EOGT: variants seen among roughly 807,000 people sequenced by gnomAD.
EOGT encodes the protein EGF domain-specific O-linked N-acetylglucosamine transferase.
Under a neutral mutation model 70.5 loss-of-function variants are expected in EOGT, and 55 were observed. The observed-to-expected ratio is 0.78, with a 90% CI of 0.63 to 0.98. The LOEUF (loss-of-function observed/expected upper bound fraction) is 0.98, where lower values mean the gene tolerates loss of function less well. Among genes scored for constraint, EOGT ranks in the 50% least tolerant of loss-of-function variants. The pLI is 0.00. For missense variants in EOGT, 703 were observed against 641.9 expected (o/e 1.10, Z -1.03); for synonymous variants, 246 against 217.1 (o/e 1.13, Z -1.17).
chr3:68,996,355 T>A (rs970583630), intron 10 of EOGT, among the ~76,000 whole-genome samples: 1 of 152,212 alleles, frequency 6.6e-6, no homozygotes, highest in South Asian at 2.1e-4. Context: ...TCCTTCTGCA[T>A]GAGAATTTGA....
Position 69,007,453 on chromosome 3 carries a change from G to A in EOGT, c.420+260C>T, listed in dbSNP as rs12053899. ...GGATCCCTTGAGGTCAGGAGTTCGCGATCAGCCTGGCAACATGGCGAAACC... is the reference window on the plus strand; with the variant it reads ...GGATCCCTTGAGGTCAGGAGTTCGCAATCAGCCTGGCAACATGGCGAAACC... On this transcript the variant is annotated intron_variant, in intron 6 of 17. Coordinates refer to ENST00000383701, the MANE Select transcript of EOGT (RefSeq NM_001278689.2). Among the ~76,000 whole-genome samples, 41,977 of 144,432 alleles carry A rather than the reference G, an allele frequency of 0.29. 6,259 individuals are homozygous for A. The highest frequency in any genetic ancestry group is 0.52 in the East Asian group (2,611 of 4,982). The allele number at this position is 144,432 out of a possible 152,430, so 94.8% of individuals were successfully genotyped here.
intron 1 of EOGT, 32 bp downstream of exon 1, chr3:69,013,542 G>C (rs958429980): frequency 1.3e-5 from 2 of 154,340 alleles, no homozygotes; most frequent in Admixed American, 1.3e-4. Flanking sequence ...GGAGAGCGGG[G>C]GAAGGCTCCG....
intron 9 of EOGT, among the ~76,000 whole-genome samples, chr3:68,998,715 G>A (rs1400014574): frequency 1.3e-5 from 2 of 151,530 alleles, no homozygotes; most frequent in Admixed American, 1.3e-4. Context: ...TTAGGCAGGC[G>A]TGGTTAGCCA....
At chr3:69,009,151 G>C (rs937771198) in intron 4 of EOGT, among the ~76,000 whole-genome samples, 1 of 152,130 alleles carries the variant, frequency 6.6e-6, no homozygotes, top group African/African-American at 2.4e-5. Context: ...TTGATCTCTG[G>C]GGCCCTGTGA....
At chr3:68,981,648 GTCTT>G (rs1007518878) in intron 15 of EOGT, among the ~76,000 whole-genome samples, 4 of 152,150 alleles carry the variant, frequency 2.6e-5, no homozygotes, top group African/African-American at 9.7e-5. Flanking sequence ...GGCATATTCT[GTCTT>G]TCTAAGCCTT....
At position 69,009,750 on chromosome 3, in the gene EOGT, G is replaced by A. The variant is rs1210218595; in HGVS notation, c.97C>T (p.Pro33Ser). ...CGGATGCTGGCATAGTTATACAGAG[G>A]TTCGCCTGGAATGCTGTGAGTATTA... Reference protein sequence around the residue: ...PPNTHSIPGEPLYNYASIRLP... With the variant: ...PPNTHSIPGESLYNYASIRLP... The change falls in exon 4 of 18, where the codon CCT (proline) becomes TCT (serine). Residue 33 changes from proline to serine, a missense_variant. By Grantham distance (74) the Pro-to-Ser change is moderately conservative. Coordinates refer to ENST00000383701, the MANE Select transcript of EOGT (RefSeq NM_001278689.2). 5.0e-6 allele frequency: 8 copies of A among 1,613,982 alleles called. No homozygotes were observed. In the African/African-American group the frequency reaches 8.0e-5, roughly 16 times the overall value.
intron 6 of EOGT, 36 bp from the exon 7 acceptor site, chr3:69,005,270 T>A: frequency 8.2e-7 from 1 of 1,226,980 alleles, no homozygotes; most frequent in Non-Finnish European, 1.2e-6. Flanking sequence ...TGACTCTGAG[T>A]ATTAACACAG....
At chr3:68,996,929 C>T (rs989312084) in intron 10 of EOGT, among the ~76,000 whole-genome samples, 1 of 152,220 alleles carries the variant, frequency 6.6e-6, no homozygotes, top group African/African-American at 2.4e-5. Flanking sequence ...AGTTAACATT[C>T]AGAGCACAAG....
At chr3:68,982,186 G>C (rs779410012) in intron 15 of EOGT, among the ~76,000 whole-genome samples, 1 of 152,124 alleles carries the variant, frequency 6.6e-6, no homozygotes, top group Non-Finnish European at 1.5e-5. Context: ...TAGGATTACA[G>C]GCGTGAGCCA....
intron 16 of EOGT, 83 bp from the exon 17 acceptor site, chr3:68,978,518 C>A (rs1457116761): frequency 2.0e-5 from 17 of 857,980 alleles, no homozygotes; most frequent in Non-Finnish European, 2.6e-5. Flanking sequence ...TAAAATGCAG[C>A]TCCCAAATAT....
At chr3:69,006,025 A>G (rs2091431368) in intron 6 of EOGT, among the ~76,000 whole-genome samples, 1 of 152,140 alleles carries the variant, frequency 6.6e-6, no homozygotes, top group South Asian at 2.1e-4. Flanking sequence ...CTAACCCCCA[A>G]TGTGATGATA....
intron 3 of EOGT, among the ~76,000 whole-genome samples, chr3:69,010,753 G>A (rs1420059172): frequency 1.3e-5 from 2 of 152,216 alleles, no homozygotes; most frequent in Non-Finnish European, 2.9e-5. Flanking sequence ...ATGATGAGGA[G>A]GGGAAAAGTA....
chr3:68,979,678 C>G lies in EOGT; in HGVS notation c.1324G>C (p.Val442Leu). The change falls in exon 16 of 18, where the codon GTA becomes CTA. Residue 442 changes from valine (V) to leucine (L), a missense_variant. Val to Leu is a conservative substitution (Grantham distance 32). Coordinates refer to ENST00000383701, the MANE Select transcript of EOGT (RefSeq NM_001278689.2). Reference sequence around the variant, plus strand: ...CCTCCCAACACTTACAGTTCAAATACAGCAGCCCAGTCTGGAAGGAAAAGT... The same window carrying G: ...CCTCCCAACACTTACAGTTCAAATAGAGCAGCCCAGTCTGGAAGGAAAAGT... ...HLLFLPDWAAVFELYNCEDER... is the reference protein window; with the variant it reads ...HLLFLPDWAALFELYNCEDER... 6.2e-7 allele frequency: 1 copy of G among 1,613,814 alleles called. No homozygotes were observed. Among genetic ancestry groups the G allele is most frequent in the Non-Finnish European group, 8.5e-7 (1 of 1,179,812 alleles).
rs1458535606 is a variant in EOGT, at chr3:69,004,426, A to C, written c.572T>G (p.Ile191Ser). ...CTGACCTTCAGACGTCAATGTACGGATGTCAAGTTTACAGTGCCCTCCAAT... is the reference window on the plus strand; with the variant it reads ...CTGACCTTCAGACGTCAATGTACGGCTGTCAAGTTTACAGTGCCCTCCAAT... The part of the protein sequence containing the change: ...GEIGGHCKLD[I>S]RTLTSEGQRK... Residue 191 changes from isoleucine to serine, a missense_variant, in exon 8 of 18, where the codon ATC becomes AGC. Transcript: ENST00000383701. The C allele has an allele frequency of 6.2e-7, 1 of 1,614,176 alleles. No individual in the cohort carries two copies. The highest frequency in any genetic ancestry group is 1.1e-5 in the South Asian group (1 of 91,086).
At chr3:69,009,369 A>T (rs1262765242) in intron 4 of EOGT, among the ~76,000 whole-genome samples, 1 of 152,224 alleles carries the variant, frequency 6.6e-6, no homozygotes, top group Admixed American at 6.5e-5. Flanking sequence ...CCTGCATAAA[A>T]TCTAATTGCT....
At chr3:69,000,160 A>G (rs911814327) in intron 9 of EOGT, among the ~76,000 whole-genome samples, 1 of 152,230 alleles carries the variant, frequency 6.6e-6, no homozygotes, top group East Asian at 1.9e-4. Flanking sequence ...CAGGAAGTTG[A>G]GGCTGCAATG....
chr3:69,009,705 G>T lies in EOGT; in HGVS notation c.142C>A (p.Pro48Thr), dbSNP rs1173717173. Reference sequence around the variant, plus strand: ...TGCCTATTGTTGTGCAAAAAGAAGGGAATGTGCTCCTCTGGCAAGCGGATG... The same window carrying T: ...TGCCTATTGTTGTGCAAAAAGAAGGTAATGTGCTCCTCTGGCAAGCGGATG... ...ASIRLPEEHI[P>T]FFLHNNRHIA... Residue 48 changes from proline to threonine, a missense_variant, in exon 4 of 18, where the codon CCC becomes ACC. Coordinates refer to ENST00000383701, the MANE Select transcript of EOGT (RefSeq NM_001278689.2). 6.2e-7 allele frequency: 1 copy of T among 1,614,058 alleles called. No homozygotes were observed. Among genetic ancestry groups the T allele is most frequent in the Non-Finnish European group, 8.5e-7 (1 of 1,180,028 alleles).
At chr3:68,993,896 C>T (rs1575743925) in intron 10 of EOGT, among the ~76,000 whole-genome samples, 1 of 152,116 alleles carries the variant, frequency 6.6e-6, no homozygotes, top group African/African-American at 2.4e-5. Flanking sequence ...TACTCACTAT[C>T]ACAAGAATAA....
At position 69,009,742 on chromosome 3, in the gene EOGT, A is replaced by G; in HGVS notation, c.105T>C (p.Tyr35=). The G allele has an allele frequency of 6.2e-7, 1 of 1,614,128 alleles. No individual in the cohort carries two copies. ...CTGGCAAGCGGATGCTGGCATAGTT[A>G]TACAGAGGTTCGCCTGGAATGCTGT... ...NTHSIPGEPL[Y]NYASIRLPEE... The change falls in exon 4 of 18, where the codon TAT becomes TAC. Residue 35 remains tyrosine, a synonymous_variant. Coordinates refer to ENST00000383701, the MANE Select transcript of EOGT (RefSeq NM_001278689.2).
Sources: gnomAD v4.1 joint callset for allele counts (sites outside exome capture counted in the v4.1 genomes callset) on GRCh38, gnomAD v4.1.1 for gene constraint, MANE v1.5 for transcripts, NCBI Gene and HGNC (gene_info 2026-07-23, HGNC 2026-07-21) for gene names.